The following MYT1L variants were observed in gnomAD, a reference collection of about 807,000 sequenced individuals.
MYT1L encodes myelin transcription factor 1 like, also known as myelin transcription factor 1-like protein.
In MYT1L, 12 loss-of-function variants were observed where a neutral mutation model predicts 126.7. The ratio of observed to expected loss-of-function variants is 0.09; its 90% CI spans 0.06 to 0.15. MYT1L has a LOEUF of 0.15. Ranked by LOEUF, MYT1L falls within the 10% of genes least tolerant of loss-of-function variation. The pLI is 1.00. For missense variants in MYT1L, 979 were observed against 1,585.2 expected (o/e 0.62, Z 6.49); for synonymous variants, 541 against 604.2 (o/e 0.90, Z 1.53).
chr2:2,326,661 C>T (rs1009941421), intron 1 of MYT1L: 7 of 152,062 alleles, frequency 4.6e-5, no homozygotes, highest in Non-Finnish European at 8.8e-5. Flanking sequence ...CCTAATACAG[C>T]AATGCTTATC....
intron 21 of MYT1L, among the ~76,000 whole-genome samples, chr2:1,814,691 G>T (rs1249305676): frequency 6.6e-6 from 1 of 152,126 alleles, no homozygotes; most frequent in African/African-American, 2.4e-5. Context: ...AATTTTTAAA[G>T]ATCTGCTCAG....
At position 2,193,760 on chromosome 2, in the gene MYT1L, C is replaced by T. The variant is rs191767388; in HGVS notation, c.-420-20772G>A. ...TAGCTAGGCAGGACTGAGCAGATTA[C>T]TACTTGGATCAGGAAACAGTGAACG... On this transcript the variant is annotated intron_variant, in intron 2 of 24. Transcript: ENST00000647738. Among the ~76,000 whole-genome samples the T allele has an allele frequency of 2.1e-3, 324 of 152,228 alleles. 1 individual carries two copies. The highest frequency in any genetic ancestry group is 7.5e-3 in the African/African-American group (313 of 41,530).
intron 3 of MYT1L, among the ~76,000 whole-genome samples, chr2:2,133,720 A>C (rs1302822230): frequency 6.6e-6 from 1 of 152,174 alleles, no homozygotes; most frequent in African/African-American, 2.4e-5. Context: ...TCAGTGGCCA[A>C]CATGTCCCCG....
chr2:2,296,804 G>A (rs1054169649), intron 1 of MYT1L, among the ~76,000 whole-genome samples: 2 of 152,218 alleles, frequency 1.3e-5, no homozygotes, highest in Admixed American at 6.5e-5. Context: ...CACTGCGTCA[G>A]GAGTAAGCCT....
intron 8 of MYT1L, among the ~76,000 whole-genome samples, chr2:1,948,287 T>C (rs940315406): frequency 2.6e-5 from 4 of 152,202 alleles, no homozygotes; most frequent in Non-Finnish European, 5.9e-5. Flanking sequence ...TGCTCACGAT[T>C]TGCTCTCTAT....
At chr2:1,973,243 G>GA (rs2149456735) in intron 8 of MYT1L, among the ~76,000 whole-genome samples, 1 of 152,288 alleles carries the variant, frequency 6.6e-6, no homozygotes, top group African/African-American at 2.4e-5. Flanking sequence ...CTGTTGCAAG[G>GA]AAGGTTAAAA....
intron 21 of MYT1L, among the ~76,000 whole-genome samples, chr2:1,831,215 TC>T (rs1176783939): frequency 6.7e-6 from 1 of 149,492 alleles, no homozygotes; most frequent in Admixed American, 6.6e-5. Flanking sequence ...GACCCCTGGC[TC>T]CCCCCAGATG....
At chr2:1,946,615 C>T (rs991468435) in intron 8 of MYT1L, among the ~76,000 whole-genome samples, 13 of 152,060 alleles carry the variant, frequency 8.5e-5, no homozygotes, top group African/African-American at 2.4e-4. Flanking sequence ...TAGGGTGAAA[C>T]GTTATCATCC....
intron 2 of MYT1L, among the ~76,000 whole-genome samples, chr2:2,252,182 C>A (rs2094672271): frequency 6.6e-6 from 1 of 152,152 alleles, no homozygotes; most frequent in Non-Finnish European, 1.5e-5. Context: ...GCTTCGTTCT[C>A]AAGGAGGGTG....
rs754784910 is a variant in MYT1L, at chr2:1,956,584, C to CTATA, written c.153-13251_153-13250insTATA. The stretch of plus-strand genomic sequence containing the variant: ...ATTCTATATTTCCTATTCTATCTAT[C>CTATA]TATCTATCTATCTATCTATCTATCT... On this transcript the variant is annotated intron_variant, in intron 8 of 24. Transcript: ENST00000647738. 6.0e-3 allele frequency among the ~76,000 whole-genome samples: 867 copies of CTATA among 143,466 alleles called. 16 individuals are homozygous for CTATA. Among genetic ancestry groups the CTATA allele is most frequent in the African/African-American group, 0.017 (623 of 36,482 alleles). 94.1% of individuals were successfully genotyped at this position (143,466 alleles called of 152,430 possible). A position where few individuals can be genotyped will look rare whatever the true frequency, so the allele number is the denominator to read the frequency against.
chr2:1,844,992 T>G (rs2148455081), intron 19 of MYT1L, among the ~76,000 whole-genome samples: 1 of 151,690 alleles, frequency 6.6e-6, no homozygotes, highest in East Asian at 2.0e-4. Context: ...TTTTTTTTTT[T>G]TTGAGACAGA....
At position 2,229,490 on chromosome 2, in the gene MYT1L, G is replaced by A. The variant is rs970485325; in HGVS notation, c.-421+54914C>T. On this transcript the variant is annotated intron_variant, in intron 2 of 24. Coordinates refer to ENST00000647738, the MANE Select transcript of MYT1L (RefSeq NM_001303052.2). ...ACAGTCTCACTCTGCTGCGCAGGCT[G>A]AAGTGCAGTGGTGTGATCATGGCTC... Among the ~76,000 whole-genome samples, 6 of 151,894 alleles carry A rather than the reference G, an allele frequency of 4.0e-5. No homozygotes were observed. The East Asian group carries it at 7.7e-4, about 20-fold the overall frequency.
chr2:2,204,532 C>T (rs1420160287), intron 2 of MYT1L, among the ~76,000 whole-genome samples: 1 of 142,970 alleles, frequency 7.0e-6, no homozygotes, highest in African/African-American at 2.8e-5. Flanking sequence ...CACTGGCCAT[C>T]AGAGAAATGC....
intron 8 of MYT1L, among the ~76,000 whole-genome samples, chr2:1,964,337 G>A (rs73188462): frequency 0.05 from 7,549 of 152,220 alleles, 566 homozygotes; most frequent in African/African-American, 0.17. Context: ...ATAATGAAAA[G>A]GTTTGAAATA....
rs1332612549 is a variant in MYT1L, at chr2:2,331,066, C to T, written c.-620G>A. 6.6e-6 allele frequency: 1 copy of T among 152,018 alleles called. No homozygotes were observed. Among genetic ancestry groups the T allele is most frequent in the Non-Finnish European group, 1.5e-5 (1 of 68,016 alleles). The allele number at this position is 152,018 out of a possible 1,614,324, so 9.4% of individuals were successfully genotyped here. The stretch of plus-strand genomic sequence containing the variant: ...GACAGGGAAGAAAACCCTGTTCCAC[C>T]ACAAGTTTGAAAGGATGATGAGACA... On this transcript the variant is annotated 5_prime_UTR_variant, in exon 1 of 25. It introduces an in-frame stop codon into an upstream open reading frame of the 5' UTR. Transcript: ENST00000647738.
In MYT1L at chr2:2,131,704, G is replaced by A. The variant is rs564880340; in HGVS notation, c.-304+41168C>T. On this transcript the variant is annotated intron_variant, in intron 3 of 24. Coordinates refer to ENST00000647738, the MANE Select transcript of MYT1L (RefSeq NM_001303052.2). The stretch of plus-strand genomic sequence containing the variant: ...ACGGGCCACTGGGGAGGACTTGCAA[G>A]AGCAGTGATTGTGAGACGTAACCGT... Among the ~76,000 whole-genome samples, 46 of 152,218 alleles carry A rather than the reference G, an allele frequency of 3.0e-4. 3 individuals carry two copies. In the South Asian group the frequency reaches 9.1e-3, roughly 30 times the overall value.
chr2:1,937,408 C>T (rs1348396617), intron 9 of MYT1L, among the ~76,000 whole-genome samples: 9 of 151,840 alleles, frequency 5.9e-5, no homozygotes, highest in African/African-American at 2.2e-4. Context: ...AGCGAGAAAG[C>T]CCTAACGTCT....
At chr2:2,134,607 C>G (rs1212622603) in intron 3 of MYT1L, among the ~76,000 whole-genome samples, 1 of 151,992 alleles carries the variant, frequency 6.6e-6, no homozygotes, top group African/African-American at 2.4e-5. Context: ...AAAGAGAGAC[C>G]AGAGCTCTCT....
At chr2:1,906,993 T>C (rs574816938) in intron 13 of MYT1L, among the ~76,000 whole-genome samples, 42 of 151,650 alleles carry the variant, frequency 2.8e-4, no homozygotes, top group African/African-American at 8.9e-4. Context: ...ATGCCCATTG[T>C]CCCAGCTACT....
Sources: allele counts gnomAD v4.1 joint callset (sites outside exome capture counted in the v4.1 genomes callset), GRCh38; gene constraint gnomAD v4.1.1; transcripts MANE v1.5; gene names NCBI Gene and HGNC (gene_info 2026-07-23, HGNC 2026-07-21).